The following OR4S2 variants were observed in gnomAD, a reference collection of about 807,000 sequenced individuals.
The protein encoded by OR4S2 is olfactory receptor 4S2.
Under a neutral mutation model 15.1 loss-of-function variants are expected in OR4S2, and 16 were observed. That is an observed-to-expected ratio of 1.06 (90% CI 0.72 to 1.61). The LOEUF (loss-of-function observed/expected upper bound fraction) is 1.61. OR4S2 is among the 40% of genes most tolerant of loss of function. The pLI is 0.00. For missense variants in OR4S2, 362 were observed against 379.6 expected (o/e 0.95, Z 0.38); for synonymous variants, 133 against 136.3 (o/e 0.98, Z 0.17).
chr11:55,650,864 TCAGGTAA>T lies in OR4S2; in HGVS notation c.-36-3_-33del. The T allele has an allele frequency of 1.1e-6, 1 of 918,918 alleles. No individual in the cohort carries two copies. The highest frequency in any genetic ancestry group is 2.8e-5 in the Admixed American group (1 of 36,102). The allele number at this position is 918,918 out of a possible 1,614,324, so 56.9% of individuals were successfully genotyped here. A position where few individuals can be genotyped will look rare whatever the true frequency, so the allele number is the denominator to read the frequency against. ...CAGTCCTTTTTATGTTTTCTTTTTT[TCAGGTAA>T]TTTAATTGTCTCCTAAGAACTTGAC... On this transcript the variant is annotated splice_acceptor_variant and splice_polypyrimidine_tract_variant and 5_prime_UTR_variant and intron_variant, in exon 2 of 2. Coordinates refer to ENST00000641692, the MANE Select transcript of OR4S2 (RefSeq NM_001004059.3). LOFTEE classifies it low-confidence loss of function (5UTR_SPLICE).
rs978596972 is a variant in OR4S2 at position 55,650,325 on chromosome 11, A to G, written c.-36-543A>G. Among the ~76,000 whole-genome samples the G allele has an allele frequency of 1.4e-5, 2 of 138,978 alleles. 1 individual carries two copies. Among genetic ancestry groups the G allele is most frequent in the Non-Finnish European group, 3.2e-5 (2 of 62,402 alleles). 91.2% of individuals were successfully genotyped at this position (138,978 alleles called of 152,430 possible). On this transcript the variant is annotated intron_variant, in intron 1 of 1. Coordinates refer to ENST00000641692, the MANE Select transcript of OR4S2 (RefSeq NM_001004059.3). ...ATCATGTGCACAAAGATAGAGTTTC[A>G]TGAGAAGAACTTGCAAAGGCAAGAG...
chr11:55,649,815 AG>A (rs34806395), intron 1 of OR4S2, among the ~76,000 whole-genome samples: 1 of 139,180 alleles, frequency 7.2e-6, no homozygotes, highest in South Asian at 2.3e-4. Context: ...GTTGACATTA[AG>A]GGACAGTCTT....
rs1245854836 is a variant in OR4S2 at position 55,652,590 on chromosome 11, G to A, written c.*751G>A. The A allele has an allele frequency of 7.2e-6, 1 of 139,074 alleles. No individual in the cohort carries two copies. The highest frequency in any genetic ancestry group is 2.5e-5 in the African/African-American group (1 of 39,990). 8.6% of individuals were successfully genotyped at this position (139,074 alleles called of 1,614,324 possible). A position where few individuals can be genotyped will look rare whatever the true frequency, so the allele number is the denominator to read the frequency against. On this transcript the variant is annotated 3_prime_UTR_variant, in exon 2 of 2. Transcript: ENST00000641692. ...ATTCTTACCTGTCTGTGTAGAAAAT[G>A]GCCTGTGGAAATAAAATAATTTTCA...
intron 1 of OR4S2, among the ~76,000 whole-genome samples, chr11:55,650,153 G>A (rs1235867683): frequency 1.4e-5 from 2 of 139,178 alleles, no homozygotes. Context: ...TGGGATAAGA[G>A]AATTTCTGTT....
At chr11:55,649,511 C>A (rs1351557535) in intron 1 of OR4S2, among the ~76,000 whole-genome samples, 1 of 138,058 alleles carries the variant, frequency 7.2e-6, no homozygotes, top group East Asian at 2.4e-4. Flanking sequence ...TCTGCTAGAC[C>A]ACCTGTAATT....
At position 55,648,849 on chromosome 11, in the gene OR4S2, G is replaced by C. The variant is rs1258971331; in HGVS notation, c.-37+299G>C. ...TCCTTGTGATGGATATTGGCTTAAG[G>C]AGAGAAACAGCAAGATGTTACTGCA... On this transcript the variant is annotated intron_variant, in intron 1 of 1. Transcript: ENST00000641692. Among the ~76,000 whole-genome samples, 3 of 137,784 alleles carry C rather than the reference G, an allele frequency of 2.2e-5. 1 individual carries two copies. Among genetic ancestry groups the C allele is most frequent in the Non-Finnish European group, 4.8e-5 (3 of 62,014 alleles). The allele number at this position is 137,784 out of a possible 152,430, so 90.4% of individuals were successfully genotyped here.
At chr11:55,648,669 A>C (rs1858527652) in intron 1 of OR4S2, 119 bp downstream of exon 1, 1 of 138,716 alleles carries the variant, frequency 7.2e-6, no homozygotes, top group African/African-American at 2.5e-5. Flanking sequence ...AAATACAGAG[A>C]GAATGAAATT....
In OR4S2 at chr11:55,651,438, G is replaced by T; in HGVS notation, c.535G>T (p.Val179Phe). 2 of 1,490,666 alleles carry T rather than the reference G, an allele frequency of 1.3e-6. No homozygotes were observed. Among genetic ancestry groups the T allele is most frequent in the East Asian group, 2.6e-5 (1 of 38,740 alleles). The allele number at this position is 1,490,666 out of a possible 1,614,324, so 92.3% of individuals were successfully genotyped here. A position where few individuals can be genotyped will look rare whatever the true frequency, so the allele number is the denominator to read the frequency against. The change falls in exon 2 of 2, where the codon GTT (valine) becomes TTT (phenylalanine). Residue 179 changes from valine (V) to phenylalanine (F), a missense_variant. Coordinates refer to ENST00000641692, the MANE Select transcript of OR4S2 (RefSeq NM_001004059.3). ...TGAGATAGATCACTACTTTTGTGAT[G>T]TTCACCCTGTGTTGAAACTTGCCTG... Reference protein sequence around the residue: ...PNEIDHYFCDVHPVLKLACTE... With the variant: ...PNEIDHYFCDFHPVLKLACTE...
chr11:55,651,832 G>A lies in OR4S2; in HGVS notation c.929G>A (p.Gly310Glu), dbSNP rs541777788. The A allele has an allele frequency of 1.3e-5, 18 of 1,358,832 alleles. 2 individuals are homozygous for A. In the South Asian group the frequency reaches 1.5e-4, roughly 11 times the overall value. The allele number at this position is 1,358,832 out of a possible 1,614,324, so 84.2% of individuals were successfully genotyped here. Residue 310 changes from glycine to glutamate, a missense_variant, in exon 2 of 2, where the codon GGG becomes GAG. Physicochemically the swap from Gly to Glu is moderately conservative, Grantham distance 98 (BLOSUM62 -2). Transcript: ENST00000641692. ...AGAAATGTTTTCTTGGAGGCTAAAGGGAAATAGTTGGACTTAATAATTTAA... is the reference window on the plus strand; with the variant it reads ...AGAAATGTTTTCTTGGAGGCTAAAGAGAAATAGTTGGACTTAATAATTTAA... The part of the protein sequence containing the change: ...WGRNVFLEAK[G>E]K
At chr11:55,650,734 A>G (rs1858551819) in intron 1 of OR4S2, 134 bp from the exon 2 acceptor site, 2 of 495,208 alleles carry the variant, frequency 4.0e-6, no homozygotes, top group Non-Finnish European at 7.1e-6. Flanking sequence ...GATGATCAAA[A>G]TAGATGCATT....
chr11:55,650,797 C>T, intron 1 of OR4S2, 71 bp from the exon 2 acceptor site: 1 of 581,208 alleles, frequency 1.7e-6, no homozygotes, highest in Non-Finnish European at 2.9e-6. Flanking sequence ...TTTTGATCTA[C>T]TGTGATTTTC....
In OR4S2 at chr11:55,651,164, C is replaced by T; in HGVS notation, c.261C>T (p.Asp87=). The T allele has an allele frequency of 2.7e-6, 4 of 1,484,074 alleles. No homozygotes were observed. Among genetic ancestry groups the T allele is most frequent in the Non-Finnish European group, 3.7e-6 (4 of 1,089,320 alleles). 91.9% of individuals were successfully genotyped at this position (1,484,074 alleles called of 1,614,324 possible). ...PKMIVDLLAK[D]KTISYVGCML... ...TGATTGTTGACCTGTTAGCAAAGGA[C>T]AAAACCATCTCCTATGTGGGGTGCA... Residue 87 remains aspartate, a synonymous_variant, in exon 2 of 2, where the codon GAC becomes GAT. Coordinates refer to ENST00000641692, the MANE Select transcript of OR4S2 (RefSeq NM_001004059.3).
rs1858552725 is a variant in OR4S2, at chr11:55,650,787, T to C, written c.-36-81T>C. ...GCATGCCAATCAGCATTTTTTCCTC[T>C]TTTGATCTACTGTGATTTTCCGTTG... On this transcript the variant is annotated intron_variant, in intron 1 of 1. Transcript: ENST00000641692. The C allele has an allele frequency of 7.1e-6, 4 of 561,486 alleles. 1 individual carries two copies. Among genetic ancestry groups the C allele is most frequent in the South Asian group, 7.0e-5 (3 of 43,040 alleles). 34.8% of individuals were successfully genotyped at this position (561,486 alleles called of 1,614,324 possible).
intron 1 of OR4S2, among the ~76,000 whole-genome samples, chr11:55,650,279 C>T (rs1343015358): frequency 1.4e-5 from 2 of 138,430 alleles, no homozygotes; most frequent in African/African-American, 5.0e-5. Context: ...GGCTCGAGAC[C>T]ACACTGGTGG....
In OR4S2 at chr11:55,651,510, A is replaced by G. The variant is rs1476058438; in HGVS notation, c.607A>G (p.Thr203Ala). ...TGTTGTTGTGACAGCCAACAGTGGTACCATTGCTCTGGGGAGTTTTGTTAT... is the reference window on the plus strand; with the variant it reads ...TGTTGTTGTGACAGCCAACAGTGGTGCCATTGCTCTGGGGAGTTTTGTTAT... ...VGVVVTANSG[T>A]IALGSFVILL... The change falls in exon 2 of 2, where the codon ACC becomes GCC. Residue 203 changes from threonine to alanine, a missense_variant. Transcript: ENST00000641692. The G allele has an allele frequency of 6.7e-7, 1 of 1,487,188 alleles. No individual in the cohort carries two copies. The allele number at this position is 1,487,188 out of a possible 1,614,324, so 92.1% of individuals were successfully genotyped here.
chr11:55,649,431 G>A (rs1682816871), intron 1 of OR4S2, among the ~76,000 whole-genome samples: 1 of 138,460 alleles, frequency 7.2e-6, no homozygotes, highest in Admixed American at 7.9e-5. Context: ...CATAAGGATA[G>A]CTGAGAGCAC....
In OR4S2 at chr11:55,652,839, T is replaced by A. The variant is rs533315823; in HGVS notation, c.*1000T>A. Reference sequence around the variant, plus strand: ...TCACCAGCTGGTATTTCCTGTTTGCTTTTTTGTCATTGTGGATTAACATAT... The same window carrying A: ...TCACCAGCTGGTATTTCCTGTTTGCATTTTTGTCATTGTGGATTAACATAT... On this transcript the variant is annotated 3_prime_UTR_variant, in exon 2 of 2. Transcript: ENST00000641692. 1 of 139,348 alleles carries A rather than the reference T, an allele frequency of 7.2e-6. No individual in the cohort carries two copies. The highest frequency in any genetic ancestry group is 1.6e-5 in the Non-Finnish European group (1 of 62,584). The allele number at this position is 139,348 out of a possible 1,614,324, so 8.6% of individuals were successfully genotyped here. A position where few individuals can be genotyped will look rare whatever the true frequency, so the allele number is the denominator to read the frequency against.
rs1858539875 is a variant in OR4S2 at position 55,649,675 on chromosome 11, T to C, written c.-37+1125T>C. 1.4e-5 allele frequency among the ~76,000 whole-genome samples: 2 copies of C among 139,002 alleles called. 1 individual carries two copies. The allele number at this position is 139,002 out of a possible 152,430, so 91.2% of individuals were successfully genotyped here. ...ATGAATATTCATCCATTTAGATAAA[T>C]GTCATTTTCCTAAACCCATTAAAAT... On this transcript the variant is annotated intron_variant, in intron 1 of 1. Transcript: ENST00000641692.
At position 55,651,282 on chromosome 11, in the gene OR4S2, C is replaced by G; in HGVS notation, c.379C>G (p.Pro127Ala). The G allele has an allele frequency of 6.7e-7, 1 of 1,484,048 alleles. No individual in the cohort carries two copies. Among genetic ancestry groups the G allele is most frequent in the Non-Finnish European group, 9.2e-7 (1 of 1,089,506 alleles). 91.9% of individuals were successfully genotyped at this position (1,484,048 alleles called of 1,614,324 possible). Reference protein sequence around the residue: ...AYDRYVAICKPLHYMTIMNRE... With the variant: ...AYDRYVAICKALHYMTIMNRE... ...TGATCGTTATGTGGCTATCTGTAAA[C>G]CCCTACATTATATGACCATCATGAA... Residue 127 changes from proline (P) to alanine (A), a missense_variant, in exon 2 of 2, where the codon CCC becomes GCC. Physicochemically the swap from Pro to Ala is conservative, Grantham distance 27. Transcript: ENST00000641692.
Sources: gnomAD v4.1 joint callset for allele counts (sites outside exome capture counted in the v4.1 genomes callset) on GRCh38, gnomAD v4.1.1 for gene constraint, MANE v1.5 for transcripts, NCBI Gene and HGNC (gene_info 2026-07-23, HGNC 2026-07-21) for gene names.